TANGO6: variants seen among roughly 807,000 people sequenced by gnomAD.
The protein encoded by TANGO6 is transport and golgi organization 6 homolog.
TANGO6 carries 90 observed loss-of-function variants against 114.2 expected under a neutral mutation model. The observed-to-expected ratio is 0.79, with a 90% CI of 0.66 to 0.94. The LOEUF (loss-of-function observed/expected upper bound fraction) is 0.94. TANGO6 is among the 40% of genes least tolerant of loss of function. The probability of loss-of-function intolerance (pLI) is 0.00; values close to 1 mark genes in which losing one functional copy is unlikely to be tolerated. For missense variants in TANGO6, 1,274 were observed against 1,315.3 expected (o/e 0.97, Z 0.49); for synonymous variants, 477 against 509.8 (o/e 0.94, Z 0.87).
chr16:68,890,207 T>G (rs1482763855), intron 7 of TANGO6, among the ~76,000 whole-genome samples: 1 of 152,166 alleles, frequency 6.6e-6, no homozygotes, highest in Admixed American at 6.5e-5. Flanking sequence ...CACATGTACA[T>G]CCCTGTAAAA....
chr16:68,963,147 C>T (rs1963611375), intron 14 of TANGO6, among the ~76,000 whole-genome samples: 1 of 149,030 alleles, frequency 6.7e-6, no homozygotes, highest in Non-Finnish European at 1.5e-5. Flanking sequence ...AACAGAGTCT[C>T]ACTCTGTCAC....
At chr16:68,980,311 T>C (rs1235359902) in intron 15 of TANGO6, among the ~76,000 whole-genome samples, 3 of 150,096 alleles carry the variant, frequency 2.0e-5, no homozygotes, top group Non-Finnish European at 4.4e-5. Flanking sequence ...TTTTACCTTA[T>C]GATTTTTCTC....
intron 16 of TANGO6, 121 bp from the exon 17 acceptor site, chr16:69,040,187 C>T: frequency 2.5e-6 from 2 of 793,276 alleles, no homozygotes; most frequent in Non-Finnish European, 2.1e-6. Context: ...AAGCAACTAT[C>T]CAGCCCTCTC....
At chr16:68,858,065 ATTTTTTT>A (rs369292829) in intron 1 of TANGO6, among the ~76,000 whole-genome samples, 3 of 143,574 alleles carry the variant, frequency 2.1e-5, no homozygotes, top group Non-Finnish European at 4.6e-5. Flanking sequence ...CTCTCGGAAG[ATTTTTTT>A]TTTTTTTTTG....
At chr16:69,059,264 G>T (rs1246884434) in intron 17 of TANGO6, among the ~76,000 whole-genome samples, 1 of 151,402 alleles carries the variant, frequency 6.6e-6, no homozygotes, top group Non-Finnish European at 1.5e-5. Flanking sequence ...AGAGATGGGG[G>T]TCTCACCATA....
At chr16:68,930,096 C>T (rs1195889490) in intron 13 of TANGO6, 142 bp from the exon 14 acceptor site, 3 of 645,474 alleles carry the variant, frequency 4.6e-6, no homozygotes, top group African/African-American at 1.8e-5. Context: ...TGCCATTTCC[C>T]CCACAAAACT....
chr16:68,890,285 G>A lies in TANGO6; in HGVS notation c.1377+9655G>A, dbSNP rs1357064390. ...ATCAAACATATAAAACATTTAGGAAGAAATCTAACATTTGTATGGGGTATA... is the reference window on the plus strand; with the variant it reads ...ATCAAACATATAAAACATTTAGGAAAAAATCTAACATTTGTATGGGGTATA... On this transcript the variant is annotated intron_variant, in intron 7 of 17. Transcript: ENST00000261778. Among the ~76,000 whole-genome samples the A allele has an allele frequency of 5.9e-5, 9 of 152,296 alleles. No homozygotes were observed. The East Asian group carries it at 1.5e-3, about 26-fold the overall frequency.
At position 68,907,445 on chromosome 16, in the gene TANGO6, A is replaced by T. The variant is rs759092524; in HGVS notation, c.1670A>T (p.Asp557Val). 6 of 1,593,746 alleles carry T rather than the reference A, an allele frequency of 3.8e-6. No homozygotes were observed. In the East Asian group the frequency reaches 1.3e-4, roughly 36 times the overall value. ...ATAAATTTTACCCTGCATTGCAGTG[A>T]TGAAGATGAAGATGAAGCCCTGTAC... The part of the protein sequence containing the change: ...IMITIKEAIS[D>V]EDEDEALYQK... The change falls in exon 10 of 18, where the codon GAT becomes GTT. Residue 557 changes from aspartate (D) to valine (V), a missense_variant and splice_region_variant. Physicochemically the swap from Asp to Val is radical, Grantham distance 152 (BLOSUM62 -3). Coordinates refer to ENST00000261778, the MANE Select transcript of TANGO6 (RefSeq NM_024562.2).
At chr16:69,017,352 A>G (rs967258224) in intron 15 of TANGO6, among the ~76,000 whole-genome samples, 1 of 152,192 alleles carries the variant, frequency 6.6e-6, no homozygotes, top group Non-Finnish European at 1.5e-5. Flanking sequence ...ACACTTAATC[A>G]TTATTTGATA....
chr16:68,961,010 G>A (rs1298176025), intron 14 of TANGO6, among the ~76,000 whole-genome samples: 3 of 152,126 alleles, frequency 2.0e-5, no homozygotes, highest in Non-Finnish European at 4.4e-5. Context: ...AGAATCATTC[G>A]TGAATTTCAT....
Position 68,974,022 on chromosome 16 carries a change from C to T in TANGO6, c.2702-6C>T. On this transcript the variant is annotated splice_polypyrimidine_tract_variant and splice_region_variant and intron_variant, in intron 14 of 17. Coordinates refer to ENST00000261778, the MANE Select transcript of TANGO6 (RefSeq NM_024562.2). ...ATGAATCCTTTCTTTTTGTTTTCAA[C>T]CCCAGGGGTTGCCCTGCTGTCAGAC... 1 of 1,599,076 alleles carries T rather than the reference C, an allele frequency of 6.3e-7. No homozygotes were observed.
At chr16:69,036,053 A>T (rs528784339) in intron 16 of TANGO6, 1 of 152,298 alleles carries the variant, frequency 6.6e-6, no homozygotes, top group African/African-American at 2.4e-5. Context: ...AAAAAAAAAA[A>T]AAAAAAAAAG....
intron 15 of TANGO6, among the ~76,000 whole-genome samples, chr16:68,997,940 G>C (rs1367583699): frequency 6.6e-6 from 1 of 152,188 alleles, no homozygotes; most frequent in Non-Finnish European, 1.5e-5. Flanking sequence ...ATTCAAGGTA[G>C]AGAGGAGCTC....
rs183442983 is a variant in TANGO6 at position 68,940,166 on chromosome 16, T to C, written c.2701+9871T>C. ...TTATTTTGTTTTTCCTTCCTTCCTT[T>C]CTTCCTTCCTTCCTTCCTTCTTTTC... is the stretch of plus-strand genomic sequence containing the variant. On this transcript the variant is annotated intron_variant, in intron 14 of 17. Transcript: ENST00000261778. 8.2e-3 allele frequency among the ~76,000 whole-genome samples: 1,233 copies of C among 150,686 alleles called. 38 individuals carry two copies. The highest frequency in any genetic ancestry group is 0.058 in the Admixed American group (870 of 14,988).
intron 16 of TANGO6, among the ~76,000 whole-genome samples, chr16:69,027,226 A>G (rs1959516888): frequency 6.6e-6 from 1 of 152,172 alleles, no homozygotes; most frequent in Non-Finnish European, 1.5e-5. Context: ...AAGCACACTC[A>G]CAGATGTATG....
chr16:68,940,360 T>C (rs1963340675), intron 14 of TANGO6, among the ~76,000 whole-genome samples: 1 of 152,014 alleles, frequency 6.6e-6, no homozygotes, highest in Non-Finnish European at 1.5e-5. Flanking sequence ...CCTAAAAGGA[T>C]TTTTTAGGTC....
chr16:68,975,667 C>T (rs1052332122), intron 15 of TANGO6, among the ~76,000 whole-genome samples: 1 of 151,786 alleles, frequency 6.6e-6, no homozygotes, highest in African/African-American at 2.4e-5. Context: ...AAGTTATCCT[C>T]CCTCCTCAGC....
At chr16:68,867,977 A>AC (rs1181706841) in intron 4 of TANGO6, 1 of 137,342 alleles carries the variant, frequency 7.3e-6, no homozygotes, top group African/African-American at 2.8e-5. Context: ...CTCTGTTTCT[A>AC]CAAAAAAAAA....
Position 68,859,949 on chromosome 16 carries a change from C to G in TANGO6, c.160C>G (p.Leu54Val). 1 of 1,611,378 alleles carries G rather than the reference C, an allele frequency of 6.2e-7. No individual in the cohort carries two copies. Among genetic ancestry groups the G allele is most frequent in the Non-Finnish European group, 8.5e-7 (1 of 1,177,996 alleles). The change falls in exon 2 of 18, where the codon CTG becomes GTG. Residue 54 changes from leucine (L) to valine (V), a missense_variant. Transcript: ENST00000261778. The stretch of plus-strand genomic sequence containing the variant: ...CTTGTTGGCTACTTTAAAATCTAAC[C>G]TGTCTGCTTTGGAGGACAAGTTTCT... ...DVLLATLKSN[L>V]SALEDKFLKD...
Sources: gnomAD v4.1 joint callset for allele counts (sites outside exome capture counted in the v4.1 genomes callset) on GRCh38, gnomAD v4.1.1 for gene constraint, MANE v1.5 for transcripts, NCBI Gene and HGNC (gene_info 2026-07-23, HGNC 2026-07-21) for gene names.